Variants in ENKUR observed in about 807,000 individuals in gnomAD.
The protein encoded by ENKUR is enkurin.
A neutral mutation model predicts 27.6 loss-of-function variants in ENKUR; 19 were observed. That is an observed-to-expected ratio of 0.69 (90% CI 0.48 to 1.01). The LOEUF (loss-of-function observed/expected upper bound fraction) is 1.01, where lower values mean the gene tolerates loss of function less well. Ranked by LOEUF, ENKUR falls within the 50% of genes least tolerant of loss-of-function variation. ENKUR has a pLI of 0.00. For synonymous variants in ENKUR, 117 were observed against 96.9 expected, an observed-to-expected ratio of 1.21 and a Z score of -1.22; for missense variants, 312 against 310.5, an observed-to-expected ratio of 1.00 and a Z score of -0.04.
At chr10:25,021,930 C>T (rs1850726485) in intron 2 of ENKUR, 1 of 151,986 alleles carries the variant, frequency 6.6e-6, no homozygotes, top group Non-Finnish European at 1.5e-5. Flanking sequence ...TCAGAGTTAG[C>T]TTAAAATCAT....
chr10:25,047,139 A>G (rs910003837), intron 2 of ENKUR, among the ~76,000 whole-genome samples: 1 of 152,124 alleles, frequency 6.6e-6, no homozygotes, highest in Non-Finnish European at 1.5e-5. Flanking sequence ...GAAAAACCCA[A>G]TTTTTCCTCT....
chr10:24,987,579 A>G (rs1319874001), intron 4 of ENKUR, among the ~76,000 whole-genome samples: 2 of 152,224 alleles, frequency 1.3e-5, no homozygotes, highest in African/African-American at 4.8e-5. Context: ...ACAGAGCAAG[A>G]CTGTCTCAAA....
At chr10:25,009,567 T>G (rs569049446) in intron 1 of ENKUR, among the ~76,000 whole-genome samples, 1 of 152,226 alleles carries the variant, frequency 6.6e-6, no homozygotes, top group African/African-American at 2.4e-5. Flanking sequence ...AAAGTATTGC[T>G]ATCAGCCTAG....
chr10:25,056,535 C>T (rs1851257893), intron 2 of ENKUR, among the ~76,000 whole-genome samples: 2 of 152,026 alleles, frequency 1.3e-5, no homozygotes, highest in Non-Finnish European at 2.9e-5. Context: ...TGTTAAGTCT[C>T]GAGTTGGGAG....
intron 2 of ENKUR, among the ~76,000 whole-genome samples, chr10:25,058,373 A>T (rs1037611816): frequency 6.6e-6 from 1 of 151,984 alleles, no homozygotes. Flanking sequence ...ATGCTCACTA[A>T]ATTTTCAATT....
intron 2 of ENKUR, among the ~76,000 whole-genome samples, chr10:25,060,673 C>T (rs1384426197): frequency 6.6e-6 from 1 of 151,986 alleles, no homozygotes; most frequent in East Asian, 1.9e-4. Flanking sequence ...TAGACCCCAC[C>T]CAAGCAGTGC....
chr10:25,059,193 C>T lies in ENKUR; in HGVS notation c.37+1919G>A, dbSNP rs1378394171. 7.6e-5 allele frequency among the ~76,000 whole-genome samples: 11 copies of T among 144,070 alleles called. 1 individual carries two copies. Among genetic ancestry groups the T allele is most frequent in the Admixed American group, 2.2e-4 (3 of 13,952 alleles). 94.5% of individuals were successfully genotyped at this position (144,070 alleles called of 152,430 possible). ...AGTCATCCAGGCTGGAGTGCAATGG[C>T]GCAATCTCTGGTCACTGCAACCTCT... On this transcript the variant is annotated intron_variant, in intron 2 of 5. Transcript: ENST00000615958.
At chr10:25,018,659 GTTTTTTTTTTTT>G (rs374289213), upstream of ENKUR, among the ~76,000 whole-genome samples, 1 of 93,716 alleles carries the variant, frequency 1.1e-5, no homozygotes, top group Non-Finnish European at 2.2e-5. Context: ...AATGAGAGTT[GTTTTTTTTTTTT>G]TTTTTTTTGC....
chr10:25,031,994 G>T (rs1850940194), intron 2 of ENKUR, among the ~76,000 whole-genome samples: 2 of 152,024 alleles, frequency 1.3e-5, no homozygotes, highest in African/African-American at 4.8e-5. Flanking sequence ...ATTATAGTTA[G>T]AAAATTCATT....
chr10:25,013,557 T>A (rs1395179120), intron 1 of ENKUR, among the ~76,000 whole-genome samples: 1 of 152,244 alleles, frequency 6.6e-6, no homozygotes, highest in Admixed American at 6.5e-5. Context: ...AGATAATGGT[T>A]TCATGGACTG....
intron 2 of ENKUR, among the ~76,000 whole-genome samples, chr10:25,059,207 A>T (rs1207879384): frequency 4.2e-5 from 6 of 143,362 alleles, no homozygotes; most frequent in African/African-American, 1.6e-4. Context: ...ATCTCTGGTC[A>T]CTGCAACCTC....
intron 2 of ENKUR, among the ~76,000 whole-genome samples, chr10:25,032,397 A>G (rs1461918395): frequency 1.3e-5 from 2 of 152,030 alleles, no homozygotes; most frequent in Non-Finnish European, 2.9e-5. Flanking sequence ...GTTGGCATGT[A>G]CTATTTCTGC....
chr10:24,990,237 G>A (rs1849895872), intron 4 of ENKUR, among the ~76,000 whole-genome samples: 1 of 152,190 alleles, frequency 6.6e-6, no homozygotes, highest in Admixed American at 6.5e-5. Context: ...GAAAAAAACA[G>A]TTCACCAAAT....
chr10:25,027,356 T>TTAAAAAAA, intron 2 of ENKUR, among the ~76,000 whole-genome samples: 1 of 45,730 alleles, frequency 2.2e-5, no homozygotes. Flanking sequence ...GACTCCCGTC[T>TTAAAAAAA]CAAAAAAAAA....
chr10:25,039,610 T>C (rs1176106723), intron 2 of ENKUR, among the ~76,000 whole-genome samples: 1 of 152,164 alleles, frequency 6.6e-6, no homozygotes, highest in African/African-American at 2.4e-5. Flanking sequence ...AAGTGGTCAT[T>C]GCTTATTCTG....
At chr10:24,993,646 T>G (rs189990188) in intron 3 of ENKUR, among the ~76,000 whole-genome samples, 34 of 152,346 alleles carry the variant, frequency 2.2e-4, no homozygotes, top group Middle Eastern at 3.4e-3. Flanking sequence ...AACTTAACTC[T>G]GATAAGGGAA....
chr10:25,054,693 T>C (rs1376459729), intron 2 of ENKUR, among the ~76,000 whole-genome samples: 1 of 151,492 alleles, frequency 6.6e-6, no homozygotes, highest in South Asian at 2.1e-4. Flanking sequence ...ATTTTTTTTT[T>C]TTTTTCTGAG....
intron 2 of ENKUR, among the ~76,000 whole-genome samples, chr10:25,054,547 C>CCTTTCTTTCTTTCTTTCCTTT (rs1851230685): frequency 3.9e-5 from 5 of 127,880 alleles, no homozygotes; most frequent in Non-Finnish European, 6.7e-5. Flanking sequence ...TTCTTTCTTT[C>CCTTTCTTTCTTTCTTTCCTTT]CTTTCTTTCT....
At chr10:25,011,609 A>C (rs1850445530) in intron 1 of ENKUR, among the ~76,000 whole-genome samples, 1 of 152,212 alleles carries the variant, frequency 6.6e-6, no homozygotes, top group South Asian at 2.1e-4. Context: ...CTTAAACGTT[A>C]GACCTGCAAC....
Sources: gnomAD v4.1 joint callset for allele counts (sites outside exome capture counted in the v4.1 genomes callset) on GRCh38, gnomAD v4.1.1 for gene constraint, MANE v1.5 for transcripts, NCBI Gene and HGNC (gene_info 2026-07-23, HGNC 2026-07-21) for gene names.